LSAMP: variants seen among roughly 807,000 people sequenced by gnomAD.
LSAMP encodes limbic system associated membrane protein.
In LSAMP, 7 loss-of-function variants were observed where a neutral mutation model predicts 38.6. That is an observed-to-expected ratio of 0.18 (90% CI 0.10 to 0.34). LSAMP has a LOEUF of 0.34. LSAMP is among the 10% of genes least tolerant of loss of function. LSAMP has a pLI of 1.00. For missense variants in LSAMP, 313 were observed against 420.0 expected (o/e 0.75, Z 2.23); for synonymous variants, 154 against 166.8 (o/e 0.92, Z 0.59).
intron 1 of LSAMP, among the ~76,000 whole-genome samples, chr3:116,326,946 A>G (rs1392399432): frequency 6.6e-6 from 1 of 152,080 alleles, no homozygotes; most frequent in African/African-American, 2.4e-5. Flanking sequence ...AACTGAAGCT[A>G]CTGTAGGGGG....
At chr3:116,104,745 G>A (rs1033533889) in intron 1 of LSAMP, among the ~76,000 whole-genome samples, 3 of 152,236 alleles carry the variant, frequency 2.0e-5, no homozygotes, top group East Asian at 1.9e-4. Context: ...TTTCTCTTAC[G>A]TTACTTCATA....
intron 6 of LSAMP, chr3:115,834,455 G>T (rs1029582697): frequency 7.1e-6 from 6 of 839,348 alleles, no homozygotes; most frequent in Admixed American, 2.4e-5. Flanking sequence ...GATTTATATT[G>T]TATGTGAATT....
intron 3 of LSAMP, among the ~76,000 whole-genome samples, chr3:115,942,082 G>T (rs147677375): frequency 9.2e-5 from 14 of 151,834 alleles, no homozygotes; most frequent in African/African-American, 3.1e-4. Context: ...TTTACTAAAA[G>T]AAATATATTA....
chr3:116,072,757 T>G (rs1007170527), intron 2 of LSAMP, among the ~76,000 whole-genome samples: 1 of 150,168 alleles, frequency 6.7e-6, no homozygotes, highest in African/African-American at 2.4e-5. Flanking sequence ...TTGTGGTTTT[T>G]TTTTTTTTTT....
chr3:116,076,258 CT>C lies in LSAMP; in HGVS notation c.388+10065del, dbSNP rs926586167. 7.3e-3 allele frequency among the ~76,000 whole-genome samples: 1,067 copies of C among 146,312 alleles called. 4 individuals carry two copies. The highest frequency in any genetic ancestry group is 0.012 in the African/African-American group (492 of 40,216). ...GTCTTTCTTCCCAATAAAATAATAA[CT>C]TTTTTTTTTTTAATTTGAGACGGAG... On this transcript the variant is annotated intron_variant, in intron 2 of 6. Coordinates refer to ENST00000490035, the MANE Select transcript of LSAMP (RefSeq NM_002338.5).
At chr3:115,818,761 A>G (rs1439087103) in intron 6 of LSAMP, among the ~76,000 whole-genome samples, 1 of 114,436 alleles carries the variant, frequency 8.7e-6, no homozygotes, top group Non-Finnish European at 1.8e-5. Context: ...AATTATATAT[A>G]TATATAAGAA....
At chr3:116,140,401 A>G (rs746447654) in intron 1 of LSAMP, among the ~76,000 whole-genome samples, 7 of 151,992 alleles carry the variant, frequency 4.6e-5, no homozygotes, top group Non-Finnish European at 7.4e-5. Flanking sequence ...TTATACAGAA[A>G]GTCAAACCAT....
chr3:115,932,191 T>G (rs1288904578), intron 3 of LSAMP, among the ~76,000 whole-genome samples: 1 of 152,154 alleles, frequency 6.6e-6, no homozygotes, highest in Non-Finnish European at 1.5e-5. Flanking sequence ...TGACAAGAAC[T>G]TATAAGAAAG....
intron 1 of LSAMP, among the ~76,000 whole-genome samples, chr3:116,431,567 G>A (rs1370900910): frequency 6.6e-6 from 1 of 152,022 alleles, no homozygotes; most frequent in Non-Finnish European, 1.5e-5. Flanking sequence ...TCTAATGTTA[G>A]TAATAGTGTT....
intron 4 of LSAMP, among the ~76,000 whole-genome samples, chr3:115,843,149 C>G (rs1335870532): frequency 1.3e-5 from 2 of 152,100 alleles, no homozygotes; most frequent in Admixed American, 1.3e-4. Context: ...TTATGTGTTC[C>G]CTTATCACCA....
rs534921118 is a variant in LSAMP at position 116,203,623 on chromosome 3, C to G, written c.156-117067G>C. Among the ~76,000 whole-genome samples the G allele has an allele frequency of 4.4e-3, 630 of 143,032 alleles. 6 individuals carry two copies. Among genetic ancestry groups the G allele is most frequent in the African/African-American group, 0.015 (593 of 38,682 alleles). The allele number at this position is 143,032 out of a possible 152,430, so 93.8% of individuals were successfully genotyped here. ...GTCCATGTGATCTCATTGTTCAATT[C>G]CCACCTATGAGTGAGAATATGCGGT... On this transcript the variant is annotated intron_variant, in intron 1 of 6. Coordinates refer to ENST00000490035, the MANE Select transcript of LSAMP (RefSeq NM_002338.5).
intron 1 of LSAMP, among the ~76,000 whole-genome samples, chr3:116,218,816 T>G (rs929690011): frequency 1.3e-5 from 2 of 152,182 alleles, no homozygotes; most frequent in African/African-American, 4.8e-5. Flanking sequence ...CTGGGCTGCT[T>G]TCATTTTTAA....
intron 3 of LSAMP, among the ~76,000 whole-genome samples, chr3:115,900,870 T>C (rs957922814): frequency 2.0e-5 from 3 of 152,218 alleles, no homozygotes; most frequent in African/African-American, 7.2e-5. Context: ...TTCATGGCTA[T>C]AGATCCTGGA....
chr3:115,952,868 G>C (rs796783297), intron 3 of LSAMP, among the ~76,000 whole-genome samples: 4 of 152,242 alleles, frequency 2.6e-5, no homozygotes, highest in African/African-American at 9.6e-5. Flanking sequence ...CAAGATGTAA[G>C]AAAAATTATT....
chr3:116,134,888 A>G (rs1709213943), intron 1 of LSAMP, among the ~76,000 whole-genome samples: 1 of 152,162 alleles, frequency 6.6e-6, no homozygotes, highest in African/African-American at 2.4e-5. Flanking sequence ...AAGATCTATG[A>G]AATTAGTACT....
intron 6 of LSAMP, among the ~76,000 whole-genome samples, chr3:115,830,598 G>A (rs1333178248): frequency 3.3e-5 from 5 of 152,070 alleles, no homozygotes; most frequent in Non-Finnish European, 7.4e-5. Context: ...TGAGAAGGCC[G>A]TTATGTATGT....
intron 1 of LSAMP, among the ~76,000 whole-genome samples, chr3:116,370,529 A>C (rs1439457159): frequency 6.6e-6 from 1 of 152,170 alleles, no homozygotes; most frequent in African/African-American, 2.4e-5. Context: ...GCTACCATTC[A>C]CCCAACCCCC....
chr3:116,066,882 CT>C (rs1421733808), intron 2 of LSAMP, among the ~76,000 whole-genome samples: 1 of 152,068 alleles, frequency 6.6e-6, no homozygotes, highest in Admixed American at 6.5e-5. Flanking sequence ...TCTTCATGTT[CT>C]TTTTATCCAA....
chr3:115,865,814 G>A lies in LSAMP; in HGVS notation c.515-13197C>T, dbSNP rs113485559. ...AAACATATACCTTTTCTTTTCTTAA[G>A]GGAGTTAGGTTAACCCCAGACACAG... On this transcript the variant is annotated intron_variant, in intron 3 of 6. Coordinates refer to ENST00000490035, the MANE Select transcript of LSAMP (RefSeq NM_002338.5). Among the ~76,000 whole-genome samples the A allele has an allele frequency of 1.8e-3, 273 of 152,274 alleles. 1 individual carries two copies. The highest frequency in any genetic ancestry group is 6.4e-3 in the African/African-American group (265 of 41,560).
Sources: gnomAD v4.1 joint callset for allele counts (sites outside exome capture counted in the v4.1 genomes callset) on GRCh38, gnomAD v4.1.1 for gene constraint, MANE v1.5 for transcripts, NCBI Gene and HGNC (gene_info 2026-07-23, HGNC 2026-07-21) for gene names.